The following RNF111 variants were observed in gnomAD, a reference collection of about 807,000 sequenced individuals.
The protein encoded by RNF111 is E3 ubiquitin-protein ligase Arkadia.
A neutral mutation model predicts 95.1 loss-of-function variants in RNF111; 17 were observed. That is an observed-to-expected ratio of 0.18 (90% CI 0.12 to 0.27). RNF111 has a LOEUF of 0.27. Ranked by LOEUF, RNF111 falls within the 10% of genes least tolerant of loss-of-function variation. The pLI is 1.00. For synonymous variants in RNF111, 440 were observed against 414.8 expected (o/e 1.06, Z -0.74); for missense variants, 1,189 against 1,210.4 (o/e 0.98, Z 0.26).
At chr15:59,057,872 T>C (rs2042262818) in intron 4 of RNF111, among the ~76,000 whole-genome samples, 1 of 152,154 alleles carries the variant, frequency 6.6e-6, no homozygotes, top group African/African-American at 2.4e-5. Context: ...GATGAGGAAA[T>C]GGAGAATGGT....
chr15:58,991,800 A>T (rs1338558588), intron 1 of RNF111, among the ~76,000 whole-genome samples: 1 of 152,202 alleles, frequency 6.6e-6, no homozygotes, highest in Non-Finnish European at 1.5e-5. Context: ...AAATTATTTT[A>T]TGTGTAGTAA....
chr15:59,089,655 C>T lies in RNF111; in HGVS notation c.2551-12C>T, dbSNP rs1198532748. 1 of 1,596,658 alleles carries T rather than the reference C, an allele frequency of 6.3e-7. No homozygotes were observed. On this transcript the variant is annotated splice_polypyrimidine_tract_variant and intron_variant, in intron 10 of 13. Coordinates refer to ENST00000348370, the MANE Select transcript of RNF111 (RefSeq NM_017610.8). ...TTAAAATTGATTTAGCCTATCTCTT[C>T]TGTTGAAATAGGTTCCTGATATGGC...
At chr15:59,004,196 A>G (rs1334556978) in intron 1 of RNF111, 1 of 1,028,696 alleles carries the variant, frequency 9.7e-7, no homozygotes, top group Non-Finnish European at 1.2e-6. Context: ...GTTTTTAGTT[A>G]TCTTCCTTTA....
chr15:59,035,571 T>C (rs1204658152), intron 2 of RNF111, among the ~76,000 whole-genome samples: 1 of 152,210 alleles, frequency 6.6e-6, no homozygotes, highest in Non-Finnish European at 1.5e-5. Flanking sequence ...GGTTTCCTTT[T>C]TTATCACATT....
At position 59,081,116 on chromosome 15, in the gene RNF111, C is replaced by T; in HGVS notation, c.2129C>T (p.Pro710Leu). 6.2e-7 allele frequency: 1 copy of T among 1,614,094 alleles called. No homozygotes were observed. Among genetic ancestry groups the T allele is most frequent in the Non-Finnish European group, 8.5e-7 (1 of 1,180,006 alleles). The change falls in exon 8 of 14, where the codon CCA (proline) becomes CTA (leucine). Residue 710 changes from proline to leucine, a missense_variant. By Grantham distance (98) the Pro-to-Leu change is moderately conservative. This residue lies in a region of RNF111 where 1,024 missense variants were observed against 925.9 expected (regional missense o/e 1.11). Coordinates refer to ENST00000348370, the MANE Select transcript of RNF111 (RefSeq NM_017610.8). ...TCTCATCCTGTGGCACCCCCACCACCAACTCACTTAGCCAGTACAGCTGCA... is the reference window on the plus strand; with the variant it reads ...TCTCATCCTGTGGCACCCCCACCACTAACTCACTTAGCCAGTACAGCTGCA... The part of the protein sequence containing the change: ...ATSHPVAPPP[P>L]THLASTAAPI...
intron 1 of RNF111, among the ~76,000 whole-genome samples, chr15:58,991,544 G>A (rs1261633671): frequency 1.3e-5 from 2 of 152,154 alleles, no homozygotes; most frequent in Non-Finnish European, 2.9e-5. Context: ...CGGCATGGAT[G>A]GAAGTGGTTT....
Position 58,993,450 on chromosome 15 carries a change from A to G in RNF111, c.-20+5382A>G, listed in dbSNP as rs143591397. On this transcript the variant is annotated intron_variant, in intron 1 of 13. Transcript: ENST00000348370. ...CTGCTTGGGAGGCTGAGACAGGAGAATTGCTTGAACCCAGGAGGTGGAGGT... is the reference window on the plus strand; with the variant it reads ...CTGCTTGGGAGGCTGAGACAGGAGAGTTGCTTGAACCCAGGAGGTGGAGGT... 3.0e-4 allele frequency among the ~76,000 whole-genome samples: 46 copies of G among 152,226 alleles called. No homozygotes were observed. In the East Asian group the frequency reaches 8.1e-3, roughly 27 times the overall value.
intron 6 of RNF111, among the ~76,000 whole-genome samples, chr15:59,072,823 G>GT (rs1555399404): frequency 2.0e-5 from 3 of 147,122 alleles, no homozygotes; most frequent in Non-Finnish European, 4.4e-5. Context: ...TTTTGCTGCA[G>GT]TTTTTTGTTT....
chr15:59,090,212 G>T (rs199624176), intron 11 of RNF111, among the ~76,000 whole-genome samples: 12 of 73,170 alleles, frequency 1.6e-4, no homozygotes, highest in East Asian at 6.2e-4. Context: ...TTGTTTTTTT[G>T]TTTGTTTGTT....
intron 2 of RNF111, among the ~76,000 whole-genome samples, chr15:59,051,439 T>A (rs1191531335): frequency 4.5e-5 from 6 of 132,782 alleles, no homozygotes; most frequent in Non-Finnish European, 9.6e-5. Flanking sequence ...GACTGGGCGA[T>A]TGAGCGAGAC....
rs776377062 is a variant in RNF111, at chr15:59,076,042, G to A, written c.1775G>A (p.Cys592Tyr). Reference protein sequence around the residue: ...FHGASAFDPCCPVSSSRAAIF... With the variant: ...FHGASAFDPCYPVSSSRAAIF... ...GGAGCATCTGCATTTGACCCCTGCT[G>A]CCCTGTTTCTTCCTCCCGAGCTGCA... Residue 592 changes from cysteine to tyrosine, a missense_variant, in exon 7 of 14, where the codon TGC becomes TAC. By Grantham distance (194) the Cys-to-Tyr change is radical. Coordinates refer to ENST00000348370, the MANE Select transcript of RNF111 (RefSeq NM_017610.8). The A allele has an allele frequency of 1.2e-6, 2 of 1,614,072 alleles. No individual in the cohort carries two copies. Among genetic ancestry groups the A allele is most frequent in the Admixed American group, 1.7e-5 (1 of 60,004 alleles).
At position 59,080,984 on chromosome 15, in the gene RNF111, A is replaced by C. The variant is rs2078724220; in HGVS notation, c.1997A>C (p.His666Pro). 1 of 1,613,804 alleles carries C rather than the reference A, an allele frequency of 6.2e-7. No homozygotes were observed. The highest frequency in any genetic ancestry group is 1.7e-5 in the Admixed American group (1 of 59,984). ...PLHHQASACP[H>P]SHGNPPPQTQ... The stretch of plus-strand genomic sequence containing the variant: ...CATCATCAAGCTTCTGCCTGCCCGC[A>C]TTCTCATGGAAACCCCCCTCCTCAG... The change falls in exon 8 of 14, where the codon CAT becomes CCT. Residue 666 changes from histidine to proline, a missense_variant. By Grantham distance (77) the His-to-Pro change is moderately conservative (BLOSUM62 -2). Coordinates refer to ENST00000348370, the MANE Select transcript of RNF111 (RefSeq NM_017610.8).
At chr15:59,015,926 A>G (rs1211399251) in intron 1 of RNF111, among the ~76,000 whole-genome samples, 1 of 151,954 alleles carries the variant, frequency 6.6e-6, no homozygotes, top group African/African-American at 2.4e-5. Context: ...ATCTTGGCCC[A>G]CTGCAACCTC....
At position 59,002,951 on chromosome 15, in the gene RNF111, G is replaced by A. The variant is rs143147272; in HGVS notation, c.-20+14883G>A. 4.6e-3 allele frequency among the ~76,000 whole-genome samples: 697 copies of A among 152,214 alleles called. 5 individuals carry two copies. The highest frequency in any genetic ancestry group is 0.041 in the Middle Eastern group (12 of 294). ...TCTTTAGCTTCTTAGAGAGGATCCT[G>A]TTGATGGTCAACCTTTACATTTGTT... On this transcript the variant is annotated intron_variant, in intron 1 of 13. Transcript: ENST00000348370.
At chr15:59,076,764 GATAA>G (rs2078576774) in intron 7 of RNF111, among the ~76,000 whole-genome samples, 2 of 152,158 alleles carry the variant, frequency 1.3e-5, no homozygotes, top group African/African-American at 4.8e-5. Context: ...CACAAGAAAT[GATAA>G]ATACTCTAAG....
At chr15:59,082,979 A>T (rs1395776958) in intron 8 of RNF111, among the ~76,000 whole-genome samples, 1 of 152,160 alleles carries the variant, frequency 6.6e-6, no homozygotes, top group African/African-American at 2.4e-5. Context: ...ATATAAAATA[A>T]TTAGACTATA....
chr15:59,091,198 C>T (rs1301843279), intron 12 of RNF111, 44 bp downstream of exon 12: 3 of 1,132,374 alleles, frequency 2.6e-6, no homozygotes, highest in South Asian at 1.3e-5. Context: ...TACTGAAAGG[C>T]ATAAATGTAA....
intron 2 of RNF111, among the ~76,000 whole-genome samples, chr15:59,042,071 C>G (rs2041486770): frequency 6.6e-6 from 1 of 150,718 alleles, no homozygotes; most frequent in Admixed American, 6.6e-5. Context: ...ATATAATACA[C>G]ACATTTTTCA....
chr15:59,015,652 A>C (rs1250214307), intron 1 of RNF111, among the ~76,000 whole-genome samples: 1 of 151,532 alleles, frequency 6.6e-6, no homozygotes, highest in African/African-American at 2.4e-5. Context: ...AAAAGAACCT[A>C]CAGCCCCAAG....
Sources: allele counts gnomAD v4.1 joint callset (sites outside exome capture counted in the v4.1 genomes callset), GRCh38; gene constraint gnomAD v4.1.1; regional missense constraint gnomAD v4.1.1; transcripts MANE v1.5; gene names NCBI Gene and HGNC (gene_info 2026-07-23, HGNC 2026-07-21).